The following PRMT2 variants were observed in gnomAD, a reference collection of about 807,000 sequenced individuals.
PRMT2 encodes the protein protein arginine N-methyltransferase 2.
Under a neutral mutation model 57.6 loss-of-function variants are expected in PRMT2, and 26 were observed. The ratio of observed to expected loss-of-function variants is 0.45; its 90% CI spans 0.33 to 0.63. The LOEUF is 0.63. Ranked by LOEUF, PRMT2 falls within the 20% of genes least tolerant of loss-of-function variation. The probability of loss-of-function intolerance (pLI) is 0.02; values close to 1 mark genes in which losing one functional copy is unlikely to be tolerated. For missense variants in PRMT2, 472 were observed against 564.4 expected (o/e 0.84, Z 1.66); for synonymous variants, 219 against 220.0 (o/e 1.00, Z 0.04).
intron 7 of PRMT2, chr21:46,653,902 T>G: frequency 9.9e-7 from 1 of 1,011,404 alleles, no homozygotes; most frequent in East Asian, 1.1e-4. Flanking sequence ...TTGTCTGCAC[T>G]GGGACAAAAA....
intron 7 of PRMT2, among the ~76,000 whole-genome samples, chr21:46,651,322 G>A (rs890971011): frequency 3.9e-5 from 6 of 152,194 alleles, no homozygotes; most frequent in African/African-American, 1.4e-4. Flanking sequence ...TGGGCCACCA[G>A]GACTGGCTGG....
Position 46,648,404 on chromosome 21 carries a change from C to T in PRMT2, c.328-54C>T. On this transcript the variant is annotated intron_variant, in intron 5 of 11. Coordinates refer to ENST00000355680, the MANE Select transcript of PRMT2 (RefSeq NM_206962.4). This position sits in a 1 kb window ranked among gnomAD's most constrained non-coding sequence, Gnocchi z 4.8. ...CTCTGACCCTCCATCTCAGTCCAGA[C>T]CTCAGCATGGCTCTAGGTCACAGGC... 1.9e-6 allele frequency: 3 copies of T among 1,594,318 alleles called. No individual in the cohort carries two copies. The highest frequency in any genetic ancestry group is 1.7e-4 in the Middle Eastern group (1 of 5,972).
At chr21:46,640,438 A>ATT (rs61531632) in intron 3 of PRMT2, among the ~76,000 whole-genome samples, 71 of 116,450 alleles carry the variant, frequency 6.1e-4, no homozygotes, top group East Asian at 7.0e-4. Flanking sequence ...TTTTGCCTAC[A>ATT]TTTTTTTTTT....
chr21:46,663,551 A>G lies in PRMT2; in HGVS notation c.1266A>G (p.Gln422=). 6.2e-7 allele frequency: 1 copy of G among 1,613,598 alleles called. No individual in the cohort carries two copies. Among genetic ancestry groups the G allele is most frequent in the Non-Finnish European group, 8.5e-7 (1 of 1,179,570 alleles). The change falls in exon 11 of 12, where the codon CAA becomes CAG. Residue 422 remains glutamine (Q), a synonymous_variant. Transcript: ENST00000355680. ...CTTCCAGACAAGACCCCACATCTCA[A>G]AAAGTAAGATACGTAGTTGTAAGAT... ...AVTSRQDPTS[Q]KVGEKVFPIW...
chr21:46,661,643 A>G (rs1387506999), intron 9 of PRMT2, 157 bp from the exon 10 acceptor site: 3 of 631,268 alleles, frequency 4.8e-6, no homozygotes, highest in East Asian at 3.5e-5. Flanking sequence ...TGAACTCACG[A>G]TGCGGGTTTT....
rs566443297 is a variant in PRMT2, at chr21:46,648,689, T to C, written c.489+70T>C. 1.7e-5 allele frequency: 27 copies of C among 1,559,616 alleles called. 1 individual carries two copies. The East Asian group carries it at 5.4e-4, about 31-fold the overall frequency. On this transcript the variant is annotated intron_variant, in intron 6 of 11. Coordinates refer to ENST00000355680, the MANE Select transcript of PRMT2 (RefSeq NM_206962.4). This position sits in a 1 kb window ranked among gnomAD's most constrained non-coding sequence, Gnocchi z 4.8. ...GGTGACGTCCGAGGTGGCCTCTGAG[T>C]GTGCTGACTTGTGACCCTGAGCTGT...
intron 7 of PRMT2, among the ~76,000 whole-genome samples, chr21:46,654,476 A>G (rs1351536587): frequency 1.3e-5 from 2 of 152,224 alleles, no homozygotes; most frequent in Non-Finnish European, 2.9e-5. Flanking sequence ...CCTGGAGAGT[A>G]GACAGGGAGA....
chr21:46,646,051 C>T lies in PRMT2; in HGVS notation c.327+1563C>T, dbSNP rs2061360256. Among the ~76,000 whole-genome samples the T allele has an allele frequency of 2.0e-5, 3 of 152,196 alleles. No homozygotes were observed. In the South Asian group the frequency reaches 6.2e-4, roughly 32 times the overall value. On this transcript the variant is annotated intron_variant, in intron 5 of 11. Coordinates refer to ENST00000355680, the MANE Select transcript of PRMT2 (RefSeq NM_206962.4). Reference sequence around the variant, plus strand: ...TTGTGAGTGTGCATGGGTGCTGAGACTGACTGAGGGCAGGAGTGGCTCCCC... The same window carrying T: ...TTGTGAGTGTGCATGGGTGCTGAGATTGACTGAGGGCAGGAGTGGCTCCCC...
chr21:46,644,301 TCCAGC>T lies in PRMT2; in HGVS notation c.145-4_145del. The T allele has an allele frequency of 6.2e-7, 1 of 1,600,994 alleles. No homozygotes were observed. Among genetic ancestry groups the T allele is most frequent in the African/African-American group, 1.4e-5 (1 of 73,954 alleles). On this transcript the variant is annotated splice_acceptor_variant and splice_polypyrimidine_tract_variant and coding_sequence_variant and intron_variant, in exon 5 of 12. Transcript: ENST00000355680. LOFTEE classifies it high-confidence loss of function. ...CTTATTGAATTTTAACTTTTTTTTT[TCCAGC>T]TCAGTTTTTTGAGAGGAGAAAAAAT...
intron 9 of PRMT2, 44 bp downstream of exon 9, chr21:46,661,006 C>T (rs923053864): frequency 6.3e-7 from 1 of 1,584,350 alleles, no homozygotes; most frequent in Admixed American, 1.7e-5. Context: ...TAATCAGTGA[C>T]CACGAAACAC....
At chr21:46,652,310 G>A in intron 7 of PRMT2, 3 of 1,244,864 alleles carry the variant, frequency 2.4e-6, no homozygotes, top group Non-Finnish European at 3.0e-6. Flanking sequence ...TAAAATACTT[G>A]ACAAAAAATT....
chr21:46,652,741 C>T (rs1015661410), intron 7 of PRMT2: 40 of 1,127,912 alleles, frequency 3.5e-5, no homozygotes, highest in Non-Finnish European at 3.7e-5. Flanking sequence ...CTGAAGGAGA[C>T]GCAAGTAAAG....
intron 1 of PRMT2, 60 bp downstream of exon 1, chr21:46,635,823 G>A (rs768821047): frequency 6.6e-6 from 1 of 152,372 alleles, no homozygotes; most frequent in African/African-American, 2.4e-5. Context: ...GACAGGCCAG[G>A]TGAGGCGTCC....
At chr21:46,645,062 G>A (rs1175507944) in intron 5 of PRMT2, among the ~76,000 whole-genome samples, 5 of 149,218 alleles carry the variant, frequency 3.4e-5, no homozygotes, top group African/African-American at 1.2e-4. Flanking sequence ...AACATAGTGA[G>A]AAAAAATAAA....
chr21:46,655,275 A>G (rs768035210), intron 7 of PRMT2, among the ~76,000 whole-genome samples: 1 of 152,144 alleles, frequency 6.6e-6, no homozygotes, highest in Non-Finnish European at 1.5e-5. Context: ...CAGACCAATA[A>G]CCCTCATGAA....
chr21:46,663,926 C>G lies in PRMT2; in HGVS notation c.1270-369C>G, dbSNP rs76187868. ...ACACAGGCCTCTGTGGCTTCCCAGG[C>G]AGCAGTTAGTCTAGGCGTGTCGTCT... On this transcript the variant is annotated intron_variant, in intron 11 of 11. Coordinates refer to ENST00000355680, the MANE Select transcript of PRMT2 (RefSeq NM_206962.4). Among the ~76,000 whole-genome samples the G allele has an allele frequency of 0.012, 1,793 of 152,226 alleles. 75 individuals are homozygous for G. In the South Asian group the frequency reaches 0.13, roughly 11 times the overall value.
intron 3 of PRMT2, among the ~76,000 whole-genome samples, 195 bp downstream of exon 3, chr21:46,637,185 A>G (rs970703649): frequency 5.3e-5 from 8 of 152,220 alleles, no homozygotes; most frequent in African/African-American, 1.9e-4. Flanking sequence ...TGCATTGGGC[A>G]CCATAACAAT....
chr21:46,660,369 C>A (rs1018251043), intron 8 of PRMT2, among the ~76,000 whole-genome samples: 9 of 152,132 alleles, frequency 5.9e-5, no homozygotes, highest in African/African-American at 1.7e-4. Flanking sequence ...TAGTTCCTTT[C>A]GTTTATTATA....
chr21:46,658,754 A>T lies in PRMT2; in HGVS notation c.664A>T (p.Met222Leu). The T allele has an allele frequency of 6.2e-7, 1 of 1,614,128 alleles. No homozygotes were observed. Among genetic ancestry groups the T allele is most frequent in the Non-Finnish European group, 8.5e-7 (1 of 1,179,998 alleles). ...WMGTCLLFEF[M>L]IESILYARDA... ...TTTCACTCCTATGCAGTTTGAGTTC[A>T]TGATCGAGTCCATCCTGTATGCCCG... Residue 222 changes from methionine to leucine, a missense_variant, in exon 8 of 12, where the codon ATG (methionine) becomes TTG (leucine). By Grantham distance (15) the Met-to-Leu change is conservative. Coordinates refer to ENST00000355680, the MANE Select transcript of PRMT2 (RefSeq NM_206962.4).
Sources: allele counts gnomAD v4.1 joint callset (sites outside exome capture counted in the v4.1 genomes callset), GRCh38; gene constraint gnomAD v4.1.1; non-coding constraint Gnocchi (gnomAD v3.1); transcripts MANE v1.5; gene names NCBI Gene and HGNC (gene_info 2026-07-23, HGNC 2026-07-21).